HMG20A: variants seen among roughly 807,000 people sequenced by gnomAD.
The protein encoded by HMG20A is high mobility group 20A.
Under a neutral mutation model 43.9 loss-of-function variants are expected in HMG20A, and 17 were observed. That is an observed-to-expected ratio of 0.39 (90% CI 0.27 to 0.58). The LOEUF (loss-of-function observed/expected upper bound fraction) is 0.58, where lower values mean the gene tolerates loss of function less well. HMG20A is among the 20% of genes least tolerant of loss of function. HMG20A has a pLI of 0.59. For synonymous variants in HMG20A, 132 were observed against 147.5 expected (o/e 0.89, Z 0.76); for missense variants, 341 against 438.2 (o/e 0.78, Z 1.98).
At chr15:77,488,101 A>G (rs986826153), downstream of HMG20A, among the ~76,000 whole-genome samples, 34 of 152,244 alleles carry the variant, frequency 2.2e-4, no homozygotes, top group African/African-American at 8.2e-4. Context: ...TGCATGGCCA[A>G]TGCAGATTTT....
Position 77,484,268 on chromosome 15 carries a change from A to G in HMG20A, c.*1305A>G, listed in dbSNP as rs2072929283. 1 of 152,218 alleles carries G rather than the reference A, an allele frequency of 6.6e-6. No individual in the cohort carries two copies. Among genetic ancestry groups the G allele is most frequent in the African/African-American group, 2.4e-5 (1 of 41,432 alleles). The allele number at this position is 152,218 out of a possible 1,614,324, so 9.4% of individuals were successfully genotyped here. The stretch of plus-strand genomic sequence containing the variant: ...CGCCTAGCAGTTTCTGGTTCCTTTA[A>G]CAGCAAAAGGAAAGAGAGGTTCTGA... On this transcript the variant is annotated 3_prime_UTR_variant, in exon 10 of 10. Transcript: ENST00000336216.
chr15:77,479,035 C>G, intron 8 of HMG20A, 144 bp from the exon 9 acceptor site: 1 of 747,956 alleles, frequency 1.3e-6, no homozygotes, highest in African/African-American at 1.8e-5. Context: ...AATTTCATTT[C>G]TTTGAGATCT....
At chr15:77,468,920 G>A (rs1206908863) in intron 4 of HMG20A, among the ~76,000 whole-genome samples, 1 of 152,028 alleles carries the variant, frequency 6.6e-6, no homozygotes, top group Non-Finnish European at 1.5e-5. Context: ...CTTAAACTGG[G>A]ATATTTCCAT....
intron 2 of HMG20A, among the ~76,000 whole-genome samples, 159 bp from the exon 3 acceptor site, chr15:77,464,081 G>T (rs559438378): frequency 1.3e-5 from 2 of 152,276 alleles, no homozygotes; most frequent in East Asian, 1.9e-4. Flanking sequence ...TTTTTAAAAC[G>T]CCCTGTAACG....
the HMG20A span, among the ~76,000 whole-genome samples, chr15:77,515,010 T>C: frequency 1.3e-5 from 2 of 152,126 alleles, no homozygotes; most frequent in African/African-American, 4.8e-5. Context: ...CTGGGCAGAT[T>C]GTGAAGCATT....
chr15:77,468,511 T>C (rs2072777003), intron 4 of HMG20A, among the ~76,000 whole-genome samples: 1 of 152,044 alleles, frequency 6.6e-6, no homozygotes, highest in Admixed American at 6.6e-5. Context: ...TTTATTCCAT[T>C]TCTCCATTTG....
the HMG20A span, among the ~76,000 whole-genome samples, chr15:77,509,118 T>C: frequency 2.0e-5 from 3 of 152,160 alleles, no homozygotes; most frequent in Non-Finnish European, 2.9e-5. Flanking sequence ...TGTCAAATGC[T>C]GTAATGTGGT....
At chr15:77,490,366 CAGAG>C (rs772728669), downstream of HMG20A, among the ~76,000 whole-genome samples, 5 of 152,118 alleles carry the variant, frequency 3.3e-5, no homozygotes, top group Admixed American at 6.5e-5. Flanking sequence ...AGAGAAGAAT[CAGAG>C]AGACTAGGAG....
At chr15:77,426,957 G>A (rs994848466) in intron 1 of HMG20A, among the ~76,000 whole-genome samples, 6 of 152,188 alleles carry the variant, frequency 3.9e-5, no homozygotes, top group Non-Finnish European at 7.4e-5. Context: ...TTAGACTACA[G>A]AGGTATTAAC....
intron 2 of HMG20A, 40 bp from the exon 3 acceptor site, chr15:77,464,200 T>A (rs747695293): frequency 2.5e-6 from 4 of 1,603,632 alleles, no homozygotes; most frequent in Non-Finnish European, 3.4e-6. Context: ...AGTAAATAGG[T>A]GGAGTTTTTG....
At chr15:77,463,464 C>A (rs2072724854) in intron 2 of HMG20A, among the ~76,000 whole-genome samples, 2 of 152,122 alleles carry the variant, frequency 1.3e-5, no homozygotes, top group Non-Finnish European at 2.9e-5. Flanking sequence ...CTTCCCAACT[C>A]CTCCCTCGAT....
intron 3 of HMG20A, among the ~76,000 whole-genome samples, chr15:77,466,712 C>T (rs1484957213): frequency 6.6e-6 from 1 of 152,180 alleles, no homozygotes; most frequent in Non-Finnish European, 1.5e-5. Context: ...CTGTATTTCC[C>T]ATTTGGATAC....
chr15:77,454,848 A>G (rs7178572), intron 1 of HMG20A, among the ~76,000 whole-genome samples: 94,986 of 151,718 alleles, frequency 0.63, 30,377 homozygotes, highest in Non-Finnish European at 0.71. Flanking sequence ...ATAGGAGATG[A>G]TGGTAAGAGA....
chr15:77,476,486 GAAAAAAAA>G (rs148901766), intron 6 of HMG20A, among the ~76,000 whole-genome samples: 1 of 81,436 alleles, frequency 1.2e-5, no homozygotes, highest in African/African-American at 6.7e-5. Flanking sequence ...CTCCCTCTCA[GAAAAAAAA>G]AAAAAAAAAA....
chr15:77,516,570 T>A, the HMG20A span, among the ~76,000 whole-genome samples: 1 of 152,036 alleles, frequency 6.6e-6, no homozygotes, highest in South Asian at 2.1e-4. Flanking sequence ...CACTTGGGGC[T>A]CCAAGACCCA....
the HMG20A span, among the ~76,000 whole-genome samples, chr15:77,511,111 C>T: frequency 3.4e-4 from 52 of 152,160 alleles, no homozygotes; most frequent in African/African-American, 1.1e-3. Flanking sequence ...ATAAATATAG[C>T]GCGAAGAGTG....
At chr15:77,429,744 A>C (rs535779273) in intron 1 of HMG20A, among the ~76,000 whole-genome samples, 1 of 152,222 alleles carries the variant, frequency 6.6e-6, no homozygotes, top group African/African-American at 2.4e-5. Context: ...ATTATTGCCT[A>C]TCTACTCAGT....
downstream of HMG20A, among the ~76,000 whole-genome samples, chr15:77,488,462 A>T (rs1020068860): frequency 1.3e-5 from 2 of 152,220 alleles, no homozygotes; most frequent in Non-Finnish European, 2.9e-5. Flanking sequence ...ATTTTTAGAG[A>T]GTGAAAAAGT....
chr15:77,504,272 CT>C, the HMG20A span, among the ~76,000 whole-genome samples: 7 of 152,308 alleles, frequency 4.6e-5, no homozygotes, highest in Non-Finnish European at 8.8e-5. Context: ...CAGCTGGGCT[CT>C]TTGTCTGCCG....
Sources: allele counts gnomAD v4.1 joint callset (sites outside exome capture counted in the v4.1 genomes callset), GRCh38; gene constraint gnomAD v4.1.1; transcripts MANE v1.5; gene names NCBI Gene and HGNC (gene_info 2026-07-23, HGNC 2026-07-21).